LSAMP: variants seen among roughly 807,000 people sequenced by gnomAD.
LSAMP encodes the protein limbic system-associated membrane protein.
Under a neutral mutation model 38.6 loss-of-function variants are expected in LSAMP, and 7 were observed. The ratio of observed to expected loss-of-function variants is 0.18; its 90% confidence interval spans 0.10 to 0.34. The LOEUF (loss-of-function observed/expected upper bound fraction) is 0.34, where lower values mean the gene tolerates loss of function less well. LSAMP is among the 10% of genes least tolerant of loss of function. The pLI, the probability that LSAMP is intolerant of heterozygous loss-of-function variation, is 1.00. For missense variants in LSAMP, 313 were observed against 420.0 expected (o/e 0.75, Z 2.23); for synonymous variants, 154 against 166.8 (o/e 0.92, Z 0.59).
intron 1 of LSAMP, among the ~76,000 whole-genome samples, chr3:116,207,703 T>C (rs1227552663): frequency 6.6e-6 from 1 of 151,484 alleles, no homozygotes; most frequent in Non-Finnish European, 1.5e-5. Context: ...GGTTGAAAAT[T>C]CTTTTCTTTA....
At chr3:116,433,611 G>C (rs2049309866) in intron 1 of LSAMP, among the ~76,000 whole-genome samples, 1 of 152,152 alleles carries the variant, frequency 6.6e-6, no homozygotes, top group African/African-American at 2.4e-5. Flanking sequence ...ACCAGTTTTA[G>C]TCAAATAAAT....
At chr3:116,378,632 A>G (rs180789748) in intron 1 of LSAMP, among the ~76,000 whole-genome samples, 1 of 152,198 alleles carries the variant, frequency 6.6e-6, no homozygotes, top group Admixed American at 6.6e-5. Flanking sequence ...CTGAGCATTT[A>G]TAGATTTATG....
At chr3:116,431,006 T>A (rs1336859441) in intron 1 of LSAMP, among the ~76,000 whole-genome samples, 1 of 152,050 alleles carries the variant, frequency 6.6e-6, no homozygotes, top group East Asian at 1.9e-4. Flanking sequence ...TAACATTAAC[T>A]AAAATTTTCT....
intron 3 of LSAMP, among the ~76,000 whole-genome samples, chr3:115,900,112 CA>C (rs1345952863): frequency 6.6e-6 from 1 of 152,178 alleles, no homozygotes; most frequent in Non-Finnish European, 1.5e-5. Context: ...TTCAATACAT[CA>C]GAGAATTTCA....
intron 3 of LSAMP, among the ~76,000 whole-genome samples, chr3:116,017,511 A>T (rs1364986063): frequency 6.6e-6 from 1 of 152,122 alleles, no homozygotes; most frequent in Non-Finnish European, 1.5e-5. Flanking sequence ...ATGATAGCAG[A>T]AGTGTGATCT....
chr3:115,950,363 T>C (rs1938241934), intron 3 of LSAMP, among the ~76,000 whole-genome samples: 1 of 152,054 alleles, frequency 6.6e-6, no homozygotes, highest in Non-Finnish European at 1.5e-5. Flanking sequence ...TCCTCCTAGA[T>C]CTGATAAATG....
intron 3 of LSAMP, among the ~76,000 whole-genome samples, chr3:115,956,091 T>TCA (rs1938446003): frequency 6.6e-6 from 1 of 152,086 alleles, no homozygotes. Flanking sequence ...GCTCAAAACT[T>TCA]CACCTAGAGA....
At chr3:116,221,150 CAA>C (rs71141862) in intron 1 of LSAMP, among the ~76,000 whole-genome samples, 1 of 53,180 alleles carries the variant, frequency 1.9e-5, no homozygotes, top group Admixed American at 3.4e-4. Flanking sequence ...GACTCTGTCT[CAA>C]AAAAAAAAAA....
intron 1 of LSAMP, among the ~76,000 whole-genome samples, chr3:116,169,240 C>T (rs13080930): frequency 0.16 from 23,727 of 151,994 alleles, 2,488 homozygotes; most frequent in East Asian, 0.41. Context: ...CTGCTCTCTA[C>T]TGTTGGGAGT....
At chr3:116,039,503 G>A (rs1208952627) in intron 2 of LSAMP, among the ~76,000 whole-genome samples, 1 of 152,204 alleles carries the variant, frequency 6.6e-6, no homozygotes, top group East Asian at 1.9e-4. Flanking sequence ...CTAGGCTCCA[G>A]TGCCTGTATT....
chr3:116,191,381 C>T (rs1710751647), intron 1 of LSAMP, among the ~76,000 whole-genome samples: 1 of 152,154 alleles, frequency 6.6e-6, no homozygotes, highest in South Asian at 2.1e-4. Flanking sequence ...AACATTGAGA[C>T]ATCACCCTAA....
chr3:116,112,898 G>T (rs772436458), intron 1 of LSAMP, among the ~76,000 whole-genome samples: 1 of 151,914 alleles, frequency 6.6e-6, no homozygotes, highest in African/African-American at 2.4e-5. Flanking sequence ...AAAATTCTGT[G>T]GCTCTGACAG....
chr3:116,346,334 T>TTG (rs1322824615), intron 1 of LSAMP, among the ~76,000 whole-genome samples: 2 of 151,532 alleles, frequency 1.3e-5, no homozygotes, highest in East Asian at 3.9e-4. Context: ...TATCTTTTTT[T>TTG]TTTTTTCTTT....
chr3:116,284,829 A>C (rs965192734), intron 1 of LSAMP, among the ~76,000 whole-genome samples: 2 of 152,184 alleles, frequency 1.3e-5, no homozygotes, highest in Non-Finnish European at 2.9e-5. Flanking sequence ...TGATTTCTAA[A>C]AATGATCAAG....
chr3:115,905,781 C>A (rs190105707), intron 3 of LSAMP, among the ~76,000 whole-genome samples: 1 of 152,066 alleles, frequency 6.6e-6, no homozygotes, highest in East Asian at 1.9e-4. Context: ...CAGTTCCCAG[C>A]GGAAGAGGGG....
At chr3:116,316,033 G>T (rs1359438195) in intron 1 of LSAMP, among the ~76,000 whole-genome samples, 2 of 152,204 alleles carry the variant, frequency 1.3e-5, no homozygotes, top group Non-Finnish European at 2.9e-5. Flanking sequence ...GTTAGAGAAG[G>T]TCAAGTGTGA....
At chr3:116,277,353 G>A (rs1334941945) in intron 1 of LSAMP, among the ~76,000 whole-genome samples, 1 of 150,920 alleles carries the variant, frequency 6.6e-6, no homozygotes, top group Non-Finnish European at 1.5e-5. Flanking sequence ...TTGAATATAA[G>A]AATTCATTTG....
chr3:115,853,829 C>T (rs1242611069), intron 3 of LSAMP, among the ~76,000 whole-genome samples: 1 of 152,170 alleles, frequency 6.6e-6, no homozygotes, highest in Non-Finnish European at 1.5e-5. Flanking sequence ...AGAACACAGT[C>T]CTGCAATCAC....
At chr3:116,049,034 G>C (rs1316613178) in intron 2 of LSAMP, among the ~76,000 whole-genome samples, 1 of 152,176 alleles carries the variant, frequency 6.6e-6, no homozygotes, top group Admixed American at 6.6e-5. Context: ...GTTCAGTGGA[G>C]AACAGAACCT....
Sources: gnomAD v4.1 joint callset for allele counts (sites outside exome capture counted in the v4.1 genomes callset) on GRCh38, gnomAD v4.1.1 for gene constraint, MANE v1.5 for transcripts, NCBI Gene and HGNC (gene_info 2026-07-23, HGNC 2026-07-21) for gene names.